Variants in SDK1 observed in about 807,000 individuals in gnomAD.
SDK1 encodes sidekick cell adhesion molecule 1.
SDK1 carries 157 observed loss-of-function variants against 245.5 expected under a neutral mutation model. The observed-to-expected ratio is 0.64, with a 90% CI of 0.56 to 0.73. The LOEUF is 0.73. SDK1 is among the 30% of genes least tolerant of loss of function. The probability of loss-of-function intolerance (pLI) is 0.00; values close to 1 mark genes in which losing one functional copy is unlikely to be tolerated. For missense variants in SDK1, 3,583 were observed against 3,002.3 expected, an observed-to-expected ratio of 1.19 and a Z score of -4.52; for synonymous variants, 1,647 against 1,278.5, an observed-to-expected ratio of 1.29 and a Z score of -6.15.
chr7:4,153,590 G>GA (rs1780529789), intron 30 of SDK1, among the ~76,000 whole-genome samples: 1 of 151,996 alleles, frequency 6.6e-6, no homozygotes, highest in Non-Finnish European at 1.5e-5. Context: ...CATCTCAGAA[G>GA]AAAAAAAGAA....
intron 1 of SDK1, among the ~76,000 whole-genome samples, chr7:3,549,722 A>G (rs1032526428): frequency 6.6e-6 from 1 of 152,224 alleles, no homozygotes; most frequent in Non-Finnish European, 1.5e-5. Context: ...GCTCTGAACA[A>G]GAATGCTTGA....
At chr7:4,180,408 C>G (rs76366666) in intron 35 of SDK1, among the ~76,000 whole-genome samples, 2 of 126,660 alleles carry the variant, frequency 1.6e-5, no homozygotes, top group Non-Finnish European at 3.4e-5. Context: ...GCGCCTGGCT[C>G]CAGCTCTATG....
intron 1 of SDK1, among the ~76,000 whole-genome samples, chr7:3,474,091 G>GTTTTTTTTTTTTTTTT (rs869083123): frequency 2.3e-5 from 1 of 43,212 alleles, no homozygotes; most frequent in Non-Finnish European, 3.9e-5. Flanking sequence ...ACCAGATGGT[G>GTTTTTTTTTTTTTTTT]TTTTTTTTTT....
At chr7:3,800,859 G>C (rs867101823) in intron 4 of SDK1, among the ~76,000 whole-genome samples, 1 of 152,138 alleles carries the variant, frequency 6.6e-6, no homozygotes, top group South Asian at 2.1e-4. Flanking sequence ...GGAAGCCCGG[G>C]TATACCAGCA....
At chr7:3,812,190 G>T (rs1176147449) in intron 4 of SDK1, among the ~76,000 whole-genome samples, 1 of 152,126 alleles carries the variant, frequency 6.6e-6, no homozygotes, top group African/African-American at 2.4e-5. Context: ...TATTTGCTTG[G>T]GTTCCAGGTG....
chr7:3,319,239 G>T (rs1779734985), intron 1 of SDK1, among the ~76,000 whole-genome samples: 1 of 152,170 alleles, frequency 6.6e-6, no homozygotes, highest in African/African-American at 2.4e-5. Flanking sequence ...AGTACAAGCA[G>T]TTTAGCTGTG....
chr7:3,335,305 C>A (rs905227468), intron 1 of SDK1, among the ~76,000 whole-genome samples: 1 of 152,186 alleles, frequency 6.6e-6, no homozygotes, highest in East Asian at 1.9e-4. Flanking sequence ...TTATTTACCC[C>A]CTAAGCATTA....
At chr7:3,506,238 A>G (rs949718767) in intron 1 of SDK1, among the ~76,000 whole-genome samples, 2 of 151,998 alleles carry the variant, frequency 1.3e-5, no homozygotes, top group African/African-American at 2.4e-5. Context: ...TGACATTTTC[A>G]TTGTATGTAG....
chr7:3,857,988 A>G (rs1447910344), intron 5 of SDK1, among the ~76,000 whole-genome samples: 1 of 152,230 alleles, frequency 6.6e-6, no homozygotes, highest in Non-Finnish European at 1.5e-5. Flanking sequence ...GGAAAGACTC[A>G]ATTATGTAAA....
chr7:3,663,555 T>A (rs910807933), intron 4 of SDK1, among the ~76,000 whole-genome samples: 1 of 152,160 alleles, frequency 6.6e-6, no homozygotes, highest in African/African-American at 2.4e-5. Context: ...TGAGAGAGAT[T>A]GCTGTTTAGA....
At chr7:3,476,283 C>G (rs7802165) in intron 1 of SDK1, among the ~76,000 whole-genome samples, 24,626 of 152,180 alleles carry the variant, frequency 0.16, 2,172 homozygotes, top group African/African-American at 0.22. Context: ...AGGATTCCAT[C>G]ACCCACAGCT....
At chr7:3,946,249 C>T (rs971732235) in intron 5 of SDK1, among the ~76,000 whole-genome samples, 1 of 151,958 alleles carries the variant, frequency 6.6e-6, no homozygotes, top group Non-Finnish European at 1.5e-5. Flanking sequence ...GTGATCATAG[C>T]TCACTGCAGC....
intron 14 of SDK1, 93 bp from the exon 15 acceptor site, chr7:4,010,873 T>C (rs908001776): frequency 7.6e-7 from 1 of 1,309,014 alleles, no homozygotes; most frequent in African/African-American, 1.5e-5. Context: ...GCTAAGCAAA[T>C]GAGATGTTCC....
intron 1 of SDK1, among the ~76,000 whole-genome samples, chr7:3,462,268 T>C (rs1780856591): frequency 2.6e-5 from 4 of 152,144 alleles, no homozygotes. Flanking sequence ...GTAACAAGCA[T>C]GCTGCCTTGG....
chr7:4,250,780 A>G (rs13242033), intron 44 of SDK1, among the ~76,000 whole-genome samples: 41,783 of 152,150 alleles, frequency 0.27, 6,100 homozygotes, highest in African/African-American at 0.35. Flanking sequence ...TTCTTTTTAA[A>G]AAATGCTTTA....
At chr7:3,430,117 A>G (rs756958049) in intron 1 of SDK1, among the ~76,000 whole-genome samples, 7 of 152,204 alleles carry the variant, frequency 4.6e-5, no homozygotes, top group Non-Finnish European at 1.0e-4. Context: ...CTAGGAGGAC[A>G]GTAGGCCTGT....
chr7:3,410,919 C>G (rs150941464), intron 1 of SDK1, among the ~76,000 whole-genome samples: 137 of 152,132 alleles, frequency 9.0e-4, no homozygotes, highest in Non-Finnish European at 1.7e-3. Flanking sequence ...TTGTCTCTCA[C>G]CTGCCTTTGT....
At chr7:3,962,052 C>T (rs142353107) in intron 8 of SDK1, among the ~76,000 whole-genome samples, 206 of 152,228 alleles carry the variant, frequency 1.4e-3, no homozygotes, top group African/African-American at 4.7e-3. Flanking sequence ...CACATGTACA[C>T]GTGCACACAC....
chr7:3,840,059 A>G (rs1375120294), intron 5 of SDK1, among the ~76,000 whole-genome samples: 1 of 152,230 alleles, frequency 6.6e-6, no homozygotes, highest in Non-Finnish European at 1.5e-5. Flanking sequence ...CGTATGATAG[A>G]AAAGAGTGAC....
Sources: allele counts gnomAD v4.1 joint callset (sites outside exome capture counted in the v4.1 genomes callset), GRCh38; gene constraint gnomAD v4.1.1; transcripts MANE v1.5; gene names NCBI Gene and HGNC (gene_info 2026-07-23, HGNC 2026-07-21).